SPTA1: variants seen among roughly 807,000 people sequenced by gnomAD.
SPTA1 encodes spectrin alpha chain, erythrocytic 1.
In SPTA1, 177 loss-of-function variants were observed where a neutral mutation model predicts 324.7. The observed-to-expected ratio is 0.55, with a 90% confidence interval of 0.48 to 0.62. The LOEUF (loss-of-function observed/expected upper bound fraction) is 0.62. SPTA1 is among the 20% of genes least tolerant of loss of function. SPTA1 has a pLI of 0.00. For missense variants in SPTA1, 3,162 were observed against 2,883.6 expected, an observed-to-expected ratio of 1.10 and a Z score of -2.21; for synonymous variants, 1,195 against 1,041.3, an observed-to-expected ratio of 1.15 and a Z score of -2.84.
intron 26 of SPTA1, among the ~76,000 whole-genome samples, 176 bp from the exon 27 acceptor site, chr1:158,647,896 G>A (rs1369356240): frequency 6.6e-6 from 1 of 152,160 alleles, no homozygotes; most frequent in Non-Finnish European, 1.5e-5. Flanking sequence ...CCCTAAGGTA[G>A]TTACAATTGG....
intron 18 of SPTA1, among the ~76,000 whole-genome samples, chr1:158,660,239 T>C (rs912041197): frequency 1.3e-5 from 2 of 152,108 alleles, no homozygotes; most frequent in Admixed American, 6.5e-5. Flanking sequence ...AATTACCAGA[T>C]TGAATAGAAT....
Position 158,644,410 on chromosome 1 carries a change from A to G in SPTA1, c.4195-14T>C, listed in dbSNP as rs763989469. 6.2e-7 allele frequency: 1 copy of G among 1,613,636 alleles called. No homozygotes were observed. The highest frequency in any genetic ancestry group is 1.1e-5 in the South Asian group (1 of 91,080). ...CCCCTGGAACATCTATGAGGAATCA[A>G]ATGAGAGGGGTATGGTATAGTCCAT... On this transcript the variant is annotated splice_polypyrimidine_tract_variant and intron_variant, in intron 29 of 51. Coordinates refer to ENST00000643759, the MANE Select transcript of SPTA1 (RefSeq NM_003126.4).
intron 51 of SPTA1, 194 bp from the exon 52 acceptor site, chr1:158,611,583 C>T (rs1649265168): frequency 1.8e-6 from 1 of 549,408 alleles, no homozygotes; most frequent in Admixed American, 3.4e-5. Context: ...AATCTCAGCC[C>T]TTTCTTGAAA....
chr1:158,648,717 G>T (rs773453966), intron 25 of SPTA1, 64 bp from the exon 26 acceptor site: 1 of 1,589,146 alleles, frequency 6.3e-7, no homozygotes, highest in Non-Finnish European at 8.6e-7. Context: ...GCTAGTGGGG[G>T]TCACAAGAAA....
chr1:158,671,199 C>T (rs142470269), intron 12 of SPTA1, 144 bp downstream of exon 12: 48 of 685,562 alleles, frequency 7.0e-5, no homozygotes, highest in African/African-American at 5.0e-4. Context: ...ACACCAACAA[C>T]GAAAGAAGAG....
intron 48 of SPTA1, chr1:158,614,563 T>C: frequency 4.8e-6 from 2 of 413,706 alleles, no homozygotes; most frequent in Admixed American, 4.1e-5. Context: ...AACATGAAAA[T>C]TACATAAAAT....
chr1:158,670,433 C>A (rs1653935459), intron 12 of SPTA1, among the ~76,000 whole-genome samples: 1 of 152,214 alleles, frequency 6.6e-6, no homozygotes, highest in African/African-American at 2.4e-5. Flanking sequence ...AGAAAGGACA[C>A]ACATATCAAT....
chr1:158,635,291 T>C (rs1158289319), intron 38 of SPTA1, among the ~76,000 whole-genome samples: 1 of 152,038 alleles, frequency 6.6e-6, no homozygotes, highest in Admixed American at 6.6e-5. Flanking sequence ...GATCTGATGG[T>C]TTAAAAGTGT....
chr1:158,658,325 A>T (rs1249118762), intron 18 of SPTA1, among the ~76,000 whole-genome samples: 2 of 152,192 alleles, frequency 1.3e-5, no homozygotes, highest in African/African-American at 2.4e-5. Context: ...TGAGTGTCAA[A>T]GAGAAGGGTG....
intron 4 of SPTA1, 37 bp from the exon 5 acceptor site, chr1:158,680,766 A>G (rs557855885): frequency 6.2e-7 from 1 of 1,612,240 alleles, no homozygotes; most frequent in African/African-American, 1.3e-5. Context: ...GCCAGCAAAC[A>G]TTTAGGAGTT....
chr1:158,613,576 A>C, intron 50 of SPTA1, 145 bp downstream of exon 50: 149 of 1,121,472 alleles, frequency 1.3e-4, no homozygotes, highest in Non-Finnish European at 1.7e-4. Context: ...AAGGGCACCA[A>C]GAGCTGCCTA....
chr1:158,651,619 A>G (rs1255162716), intron 23 of SPTA1, 151 bp from the exon 24 acceptor site: 6 of 686,672 alleles, frequency 8.7e-6, no homozygotes, highest in African/African-American at 1.8e-5. Context: ...ACCACTGAGA[A>G]GAGTATCCTT....
intron 42 of SPTA1, among the ~76,000 whole-genome samples, chr1:158,625,583 T>C (rs902737502): frequency 1.3e-5 from 2 of 151,768 alleles, no homozygotes; most frequent in Non-Finnish European, 2.9e-5. Context: ...ATCAAAAAGA[T>C]AATGAGAAAA....
Position 158,669,523 on chromosome 1 carries a change from G to C in SPTA1, c.1718C>G (p.Thr573Ser). 3.1e-6 allele frequency: 5 copies of C among 1,614,078 alleles called. No individual in the cohort carries two copies. Among genetic ancestry groups the C allele is most frequent in the Non-Finnish European group, 4.2e-6 (5 of 1,179,990 alleles). ...TGACTCCTTCAGCAATCTACGTCTA[G>C]TGGCAGCCTTTTCACGTAGGGCATC... ...RRDALREKAA[T>S]RRRLLKESLL... Residue 573 changes from threonine to serine, a missense_variant, in exon 14 of 52, where the codon ACT (threonine) becomes AGT (serine). Coordinates refer to ENST00000643759, the MANE Select transcript of SPTA1 (RefSeq NM_003126.4).
rs569593707 is a variant in SPTA1 at position 158,676,406 on chromosome 1, C to T, written c.958-111G>A. ...ATATGAATAATAATAATTTAGAAAT[C>T]GACATATGAATAGATTTCTATTAAT... is the stretch of plus-strand genomic sequence containing the variant. On this transcript the variant is annotated intron_variant, in intron 7 of 51. Coordinates refer to ENST00000643759, the MANE Select transcript of SPTA1 (RefSeq NM_003126.4). 28 of 1,166,050 alleles carry T rather than the reference C, an allele frequency of 2.4e-5. 1 individual carries two copies. Among genetic ancestry groups the T allele is most frequent in the Non-Finnish European group, 3.1e-5 (25 of 806,372 alleles). The allele number at this position is 1,166,050 out of a possible 1,614,324, so 72.2% of individuals were successfully genotyped here. A position where few individuals can be genotyped will look rare whatever the true frequency, so the allele number is the denominator to read the frequency against.
intron 38 of SPTA1, 137 bp from the exon 39 acceptor site, chr1:158,634,812 C>T (rs900267710): frequency 1.0e-6 from 1 of 956,356 alleles, no homozygotes; most frequent in Non-Finnish European, 1.6e-6. Context: ...GGCCTCAACA[C>T]AGTATAATAG....
Position 158,613,876 on chromosome 1 carries a change from TA to T in SPTA1, c.6843-10del. The T allele has an allele frequency of 6.2e-7, 1 of 1,611,222 alleles. No individual in the cohort carries two copies. Among genetic ancestry groups the T allele is most frequent in the Middle Eastern group, 1.7e-4 (1 of 6,010 alleles). ...AATTCTCATCAAAGTGTCTAAAGGA[TA>T]AAAAAAGAAAAAAAAATTTATCAAG... On this transcript the variant is annotated splice_polypyrimidine_tract_variant and intron_variant, in intron 49 of 51. Coordinates refer to ENST00000643759, the MANE Select transcript of SPTA1 (RefSeq NM_003126.4).
rs200938874 is a variant in SPTA1, at chr1:158,635,967, C to T, written c.5378G>A (p.Arg1793Gln). 1.8e-3 allele frequency: 2,830 copies of T among 1,614,130 alleles called. 7 individuals carry two copies. Among genetic ancestry groups the T allele is most frequent in the Non-Finnish European group, 1.8e-3 (2,081 of 1,180,020 alleles). ...CCAGTGTTCAACAAACTGAGCCAGC[C>T]GCAACTGGATCTCCTCTTGCCCCAC... Reference protein sequence around the residue: ...AAVGQEEIQLRLAQFVEHWEK... With the variant: ...AAVGQEEIQLQLAQFVEHWEK... Residue 1793 changes from arginine to glutamine, a missense_variant, in exon 38 of 52, where the codon CGG becomes CAG. Transcript: ENST00000643759.
intron 7 of SPTA1, among the ~76,000 whole-genome samples, chr1:158,677,225 G>A (rs1654448057): frequency 6.6e-6 from 1 of 152,122 alleles, no homozygotes; most frequent in Admixed American, 6.6e-5. Flanking sequence ...CCTAAAGGTA[G>A]GTTTAGCATT....
Sources: allele counts gnomAD v4.1 joint callset (sites outside exome capture counted in the v4.1 genomes callset), GRCh38; gene constraint gnomAD v4.1.1; transcripts MANE v1.5; gene names NCBI Gene and HGNC (gene_info 2026-07-23, HGNC 2026-07-21).